Variants in MIB1 observed in about 807,000 individuals in gnomAD.
MIB1 encodes the protein E3 ubiquitin-protein ligase MIB1.
A neutral mutation model predicts 124.5 loss-of-function variants in MIB1; 278 were observed. The ratio of observed to expected loss-of-function variants is 2.23; its 90% CI spans 2.02 to 2.47. The LOEUF (loss-of-function observed/expected upper bound fraction) is 2.47. Ranked by LOEUF, MIB1 falls within the 30% of genes most tolerant of loss-of-function variation. The pLI, the probability that MIB1 is intolerant of heterozygous loss-of-function variation, is 0.00. For synonymous variants in MIB1, 446 were observed against 429.4 expected (o/e 1.04, Z -0.48); for missense variants, 957 against 1,254.4 (o/e 0.76, Z 3.58).
chr18:21,814,390 T>C (rs1025132276), intron 10 of MIB1, among the ~76,000 whole-genome samples: 3 of 152,058 alleles, frequency 2.0e-5, no homozygotes, highest in African/African-American at 7.2e-5. Context: ...TTTTTTTTTT[T>C]CAATCACACA....
In MIB1 at chr18:21,798,198, G is replaced by C; in HGVS notation, c.1207G>C (p.Ala403Pro). The C allele has an allele frequency of 6.2e-7, 1 of 1,613,142 alleles. No individual in the cohort carries two copies. The highest frequency in any genetic ancestry group is 1.1e-5 in the South Asian group (1 of 91,016). The change falls in exon 8 of 21, where the codon GCA becomes CCA. Residue 403 changes from alanine (A) to proline (P), a missense_variant. Physicochemically the swap from Ala to Pro is conservative, Grantham distance 27 (BLOSUM62 -1). Transcript: ENST00000261537. ...AGCAGCAGTTTCCAAGGTGGCATCT[G>C]CAGGATCAGCCATTAGCAATGCATC... is the stretch of plus-strand genomic sequence containing the variant. Reference protein sequence around the residue: ...NPAAVSKVASAGSAISNASGE... With the variant: ...NPAAVSKVASPGSAISNASGE...
intron 13 of MIB1, among the ~76,000 whole-genome samples, chr18:21,839,294 C>T (rs963410105): frequency 2.0e-5 from 3 of 152,138 alleles, no homozygotes; most frequent in African/African-American, 4.8e-5. Context: ...ACCTCCCCCC[C>T]ACTACTTTAA....
chr18:21,813,896 A>G (rs992347031), intron 10 of MIB1, among the ~76,000 whole-genome samples: 2 of 151,916 alleles, frequency 1.3e-5, no homozygotes, highest in Non-Finnish European at 1.5e-5. Context: ...GGACAGACAC[A>G]TGGTCTTGGT....
At chr18:21,761,808 A>G (rs777823992) in intron 1 of MIB1, among the ~76,000 whole-genome samples, 5 of 152,216 alleles carry the variant, frequency 3.3e-5, no homozygotes, top group Admixed American at 3.3e-4. Flanking sequence ...GAGAAAACAT[A>G]AAAGTGCTAG....
In MIB1 at chr18:21,790,584, G is replaced by A. The variant is rs141889190; in HGVS notation, c.909-790G>A. On this transcript the variant is annotated intron_variant, in intron 6 of 20. Coordinates refer to ENST00000261537, the MANE Select transcript of MIB1 (RefSeq NM_020774.4). ...CCTATGTCTGCGTATACATATATAT[G>A]TATATAATATTCCCATTTATGGAAA... 2.6e-3 allele frequency among the ~76,000 whole-genome samples: 392 copies of A among 152,112 alleles called. 3 individuals are homozygous for A. Among genetic ancestry groups the A allele is most frequent in the Non-Finnish European group, 4.4e-3 (301 of 67,996 alleles).
At chr18:21,829,392 C>G (rs2041958113) in intron 12 of MIB1, 1 of 168,050 alleles carries the variant, frequency 6.0e-6, no homozygotes, top group Admixed American at 6.5e-5. Flanking sequence ...TTAAGATCAG[C>G]CTAGTGTTTC....
chr18:21,779,596 T>C lies in MIB1; in HGVS notation c.819T>C (p.Asp273=). 1 of 1,614,054 alleles carries C rather than the reference T, an allele frequency of 6.2e-7. No individual in the cohort carries two copies. The highest frequency in any genetic ancestry group is 8.5e-7 in the Non-Finnish European group (1 of 1,179,948). ...SLQHGHGGWT[D]GMFETLTTTG... ...AGCATGGTCATGGAGGATGGACTGA[T>C]GGAATGTTTGAGACTTTAACTACAA... Residue 273 remains aspartate, a synonymous_variant, in exon 6 of 21, where the codon GAT becomes GAC. Transcript: ENST00000261537.
chr18:21,724,725 AAAATATATATATAT>A (rs1381146539), intron 1 of MIB1, among the ~76,000 whole-genome samples: 22 of 42,824 alleles, frequency 5.1e-4, no homozygotes, highest in Middle Eastern at 0.011. Context: ...AAAAAAAAAA[AAAATATATATATAT>A]ATATATATAT....
At chr18:21,778,194 T>C in intron 5 of MIB1, 25 bp downstream of exon 5, 15 of 1,457,688 alleles carry the variant, frequency 1.0e-5, no homozygotes, top group Non-Finnish European at 1.4e-5. Flanking sequence ...TAGAGAGTAT[T>C]ACTAAATAAT....
At chr18:21,711,011 G>C (rs922465432) in intron 1 of MIB1, among the ~76,000 whole-genome samples, 4 of 151,936 alleles carry the variant, frequency 2.6e-5, no homozygotes. Context: ...ATTTTTAGTA[G>C]AGACAGGGTT....
upstream of MIB1, among the ~76,000 whole-genome samples, chr18:21,736,425 G>T (rs1332188956): frequency 6.6e-6 from 1 of 152,188 alleles, no homozygotes; most frequent in East Asian, 1.9e-4. Flanking sequence ...GCACAAAAAG[G>T]CTGAAAATTC....
In MIB1 at chr18:21,787,757, A is replaced by AT. The variant is rs756408598; in HGVS notation, c.909-3601dup. Among the ~76,000 whole-genome samples the AT allele has an allele frequency of 5.6e-3, 631 of 113,684 alleles. 2 individuals are homozygous for AT. The Middle Eastern group carries it at 0.056, about 10-fold the overall frequency. The allele number at this position is 113,684 out of a possible 152,430, so 74.6% of individuals were successfully genotyped here. A position where few individuals can be genotyped will look rare whatever the true frequency, so the allele number is the denominator to read the frequency against. On this transcript the variant is annotated intron_variant, in intron 6 of 20. Coordinates refer to ENST00000261537, the MANE Select transcript of MIB1 (RefSeq NM_020774.4). ...GCTGGTGATAATCTTGGTGCTGGGT[A>AT]TTTTTTTTTTTTTTTTCGATTTTCT...
chr18:21,816,029 A>G (rs928396638), intron 11 of MIB1, among the ~76,000 whole-genome samples: 13 of 152,182 alleles, frequency 8.5e-5, no homozygotes, highest in Non-Finnish European at 1.8e-4. Context: ...TTGATTGGGC[A>G]GGGAGAATGA....
intron 6 of MIB1, among the ~76,000 whole-genome samples, chr18:21,785,964 A>G (rs185859374): frequency 1.3e-5 from 2 of 152,234 alleles, no homozygotes; most frequent in Non-Finnish European, 2.9e-5. Context: ...TTTCTGCTGA[A>G]AGGTCTGTTG....
rs919409139 is a variant in MIB1 at position 21,741,649 on chromosome 18, G to A, written c.66G>A (p.Pro22=). Residue 22 remains proline (P), a synonymous_variant, in exon 1 of 21, where the codon CCG becomes CCA. Coordinates refer to ENST00000261537, the MANE Select transcript of MIB1 (RefSeq NM_020774.4). This position sits in a 1 kb window ranked among gnomAD's most constrained non-coding sequence, Gnocchi z 5.4. ...TTGGCGCTCGGGTAGTGCGCGGCCC[G>A]GACTGGAAGTGGGGGAAGCAGGACG... ...EGVGARVVRG[P]DWKWGKQDGG... The A allele has an allele frequency of 6.2e-7, 1 of 1,610,512 alleles. No individual in the cohort carries two copies. Among genetic ancestry groups the A allele is most frequent in the Non-Finnish European group, 8.5e-7 (1 of 1,179,006 alleles).
At chr18:21,845,389 C>A (rs1355313768) in intron 15 of MIB1, among the ~76,000 whole-genome samples, 2 of 152,124 alleles carry the variant, frequency 1.3e-5, no homozygotes, top group African/African-American at 4.8e-5. Flanking sequence ...GTTTTTCTTT[C>A]ATCATTTGTG....
At position 21,709,108 on chromosome 18, in the gene MIB1, A is replaced by T. The variant is rs370817377; in HGVS notation, n.167+3985A>T. On this transcript the variant is annotated intron_variant and non_coding_transcript_variant, in intron 1 of 20. Transcript: ENST00000578646. ...GAGGCGGGCGGATCACGAGGTCAGG[A>T]GATCGAGACAATCCTGGCTAACACG... 8.4e-4 allele frequency among the ~76,000 whole-genome samples: 128 copies of T among 152,192 alleles called. No individual in the cohort carries two copies. In the Middle Eastern group the frequency reaches 0.01, roughly 12 times the overall value.
At chr18:21,800,135 T>G (rs2041634785) in intron 9 of MIB1, among the ~76,000 whole-genome samples, 161 bp downstream of exon 9, 1 of 152,104 alleles carries the variant, frequency 6.6e-6, no homozygotes, top group Non-Finnish European at 1.5e-5. Flanking sequence ...TTCTTCAGTG[T>G]GCATTTCTAA....
chr18:21,749,585 T>G (rs1188696973), intron 1 of MIB1, among the ~76,000 whole-genome samples: 1 of 152,056 alleles, frequency 6.6e-6, no homozygotes, highest in East Asian at 1.9e-4. Context: ...GGAATTTAAC[T>G]TGTTCATATG....
Sources: gnomAD v4.1 joint callset for allele counts (sites outside exome capture counted in the v4.1 genomes callset) on GRCh38, gnomAD v4.1.1 for gene constraint, Gnocchi (gnomAD v3.1) non-coding constraint, MANE v1.5 for transcripts, NCBI Gene and HGNC (gene_info 2026-07-23, HGNC 2026-07-21) for gene names.